The following IQCM variants were observed in gnomAD, a reference collection of about 807,000 sequenced individuals.
IQCM encodes the protein IQ domain-containing protein M.
Under a neutral mutation model 57.6 loss-of-function variants are expected in IQCM, and 45 were observed. The ratio of observed to expected loss-of-function variants is 0.78; its 90% CI spans 0.62 to 1.00. The LOEUF (loss-of-function observed/expected upper bound fraction) is 1.00, where lower values mean the gene tolerates loss of function less well. Ranked by LOEUF, IQCM falls within the 50% of genes least tolerant of loss-of-function variation. IQCM has a pLI of 0.00. For synonymous variants in IQCM, 148 were observed against 158.9 expected (o/e 0.93, Z 0.51); for missense variants, 468 against 511.6 (o/e 0.91, Z 0.82).
At chr4:149,793,045 A>G (rs1387421270) in intron 2 of IQCM, among the ~76,000 whole-genome samples, 1 of 152,162 alleles carries the variant, frequency 6.6e-6, no homozygotes, top group Non-Finnish European at 1.5e-5. Context: ...TTTCACATTC[A>G]TTATTTATGA....
At chr4:149,493,614 C>T (rs1050338203) in intron 12 of IQCM, among the ~76,000 whole-genome samples, 2 of 152,022 alleles carry the variant, frequency 1.3e-5, no homozygotes, top group Non-Finnish European at 2.9e-5. Flanking sequence ...GCCTGTCTTT[C>T]TAAAGGAAGA....
intron 5 of IQCM, among the ~76,000 whole-genome samples, chr4:149,722,270 CT>C (rs1393454781): frequency 6.6e-6 from 1 of 151,896 alleles, no homozygotes; most frequent in Non-Finnish European, 1.5e-5. Context: ...TGAATATTTC[CT>C]TTTCAGGACA....
intron 12 of IQCM, among the ~76,000 whole-genome samples, chr4:149,548,212 C>A (rs1259488261): frequency 6.6e-6 from 1 of 152,086 alleles, no homozygotes; most frequent in Non-Finnish European, 1.5e-5. Context: ...CCACCTCTTC[C>A]ATCTTCCTCC....
intron 7 of IQCM, among the ~76,000 whole-genome samples, chr4:149,639,510 T>C (rs1424957446): frequency 6.6e-6 from 1 of 152,124 alleles, no homozygotes; most frequent in Non-Finnish European, 1.5e-5. Flanking sequence ...CTTCTATTAG[T>C]ACCTCCACAT....
intron 12 of IQCM, among the ~76,000 whole-genome samples, chr4:149,474,879 G>A (rs748969082): frequency 3.3e-5 from 5 of 152,010 alleles, no homozygotes; most frequent in Admixed American, 6.6e-5. Flanking sequence ...AATGGCCACG[G>A]TGTTCAAAAA....
At chr4:149,468,492 G>C (rs1347413814) in intron 12 of IQCM, among the ~76,000 whole-genome samples, 15 of 152,214 alleles carry the variant, frequency 9.9e-5, no homozygotes, top group Admixed American at 9.8e-4. Context: ...CTCAAACTGG[G>C]TGGAGCCAAC....
At chr4:149,678,572 T>C (rs913407217) in intron 7 of IQCM, among the ~76,000 whole-genome samples, 8 of 151,658 alleles carry the variant, frequency 5.3e-5, no homozygotes, top group African/African-American at 1.7e-4. Flanking sequence ...CTAATGTGTT[T>C]TTAAAAAATG....
In IQCM at chr4:149,639,425, T is replaced by TA. The variant is rs1284156035; in HGVS notation, c.566-18182dup. 5.8e-3 allele frequency among the ~76,000 whole-genome samples: 696 copies of TA among 120,342 alleles called. 2 individuals are homozygous for TA. Among genetic ancestry groups the TA allele is most frequent in the Middle Eastern group, 0.024 (5 of 210 alleles). The allele number at this position is 120,342 out of a possible 152,430, so 78.9% of individuals were successfully genotyped here. On this transcript the variant is annotated intron_variant, in intron 7 of 13. Transcript: ENST00000636793. ...TGGAAAACAGAGTGAGATCCTGTCT[T>TA]AAAAAAAAAAAAAAAAGAAGAAGAA...
chr4:149,508,433 C>A (rs994325108), intron 12 of IQCM, among the ~76,000 whole-genome samples: 2 of 152,198 alleles, frequency 1.3e-5, no homozygotes, highest in Admixed American at 6.5e-5. Context: ...GGGAACCCAC[C>A]TCTTGCATCA....
chr4:149,744,450 TG>T (rs1427256949), intron 2 of IQCM, among the ~76,000 whole-genome samples: 1 of 152,232 alleles, frequency 6.6e-6, no homozygotes, highest in African/African-American at 2.4e-5. Context: ...TCTCTGGGTC[TG>T]TTGGCTCCTC....
At chr4:149,594,259 T>C (rs555049201) in intron 8 of IQCM, among the ~76,000 whole-genome samples, 77 of 152,338 alleles carry the variant, frequency 5.1e-4, no homozygotes, top group Admixed American at 2.5e-3. Flanking sequence ...GTGTTTATAG[T>C]ATTCTCTGAT....
intron 2 of IQCM, among the ~76,000 whole-genome samples, chr4:149,746,599 T>C (rs1767958779): frequency 6.6e-6 from 1 of 152,166 alleles, no homozygotes; most frequent in Non-Finnish European, 1.5e-5. Context: ...ACTGAGTATA[T>C]ATGGGTGATA....
intron 9 of IQCM, among the ~76,000 whole-genome samples, chr4:149,578,920 TC>T (rs1246610430): frequency 6.6e-6 from 1 of 151,730 alleles, no homozygotes; most frequent in Non-Finnish European, 1.5e-5. Context: ...AGAGATGGGA[TC>T]CTTTGTCCCC....
Position 149,418,379 on chromosome 4 carries a change from G to A in IQCM, c.1390+15017C>T, listed in dbSNP as rs1414745491. Reference sequence around the variant, plus strand: ...TTCCTGGACACATACACCCTCCCAGGACTGAACCAGGAAGAAGTTGAATCC... The same window carrying A: ...TTCCTGGACACATACACCCTCCCAGAACTGAACCAGGAAGAAGTTGAATCC... On this transcript the variant is annotated intron_variant, in intron 13 of 13. Transcript: ENST00000636793. 2.6e-5 allele frequency among the ~76,000 whole-genome samples: 4 copies of A among 152,056 alleles called. No individual in the cohort carries two copies. In the East Asian group the frequency reaches 5.8e-4, roughly 22 times the overall value.
At chr4:149,610,109 C>G (rs897524389) in intron 8 of IQCM, among the ~76,000 whole-genome samples, 3 of 151,478 alleles carry the variant, frequency 2.0e-5, no homozygotes, top group African/African-American at 4.8e-5. Flanking sequence ...AAAAAGAAAC[C>G]AACAAAGTAA....
At chr4:149,498,408 G>A (rs920730088) in intron 12 of IQCM, among the ~76,000 whole-genome samples, 9 of 152,124 alleles carry the variant, frequency 5.9e-5, no homozygotes, top group African/African-American at 2.2e-4. Context: ...GGTGTGACAA[G>A]GATTTTATCT....
intron 12 of IQCM, among the ~76,000 whole-genome samples, chr4:149,479,904 C>A (rs112524087): frequency 2.0e-5 from 3 of 152,100 alleles, no homozygotes; most frequent in Admixed American, 6.5e-5. Context: ...TGTCATATGC[C>A]CAGACCTTTA....
intron 8 of IQCM, among the ~76,000 whole-genome samples, chr4:149,591,439 C>G (rs1461345519): frequency 1.3e-5 from 2 of 151,632 alleles, no homozygotes; most frequent in African/African-American, 4.8e-5. Context: ...ACACTTACAT[C>G]CAAATGTGGT....
At chr4:149,629,935 T>C (rs1036175623) in intron 7 of IQCM, among the ~76,000 whole-genome samples, 1 of 145,198 alleles carries the variant, frequency 6.9e-6, no homozygotes, top group Non-Finnish European at 1.5e-5. Flanking sequence ...AATGAATGTT[T>C]CCTTTAAATA....
Sources: gnomAD v4.1 joint callset for allele counts (sites outside exome capture counted in the v4.1 genomes callset) on GRCh38, gnomAD v4.1.1 for gene constraint, MANE v1.5 for transcripts, NCBI Gene and HGNC (gene_info 2026-07-23, HGNC 2026-07-21) for gene names.